Variants in BID observed in about 807,000 individuals in gnomAD.
BID encodes the protein BH3-interacting domain death agonist.
A neutral mutation model predicts 17.4 loss-of-function variants in BID; 19 were observed. The ratio of observed to expected loss-of-function variants is 1.09; its 90% CI spans 0.76 to 1.60. The LOEUF is 1.60. Among genes scored for constraint, BID ranks in the 40% most tolerant of loss-of-function variants. The pLI, the probability that BID is intolerant of heterozygous loss-of-function variation, is 0.00. For missense variants in BID, 226 were observed against 256.0 expected, an observed-to-expected ratio of 0.88 and a Z score of 0.80; for synonymous variants, 108 against 102.8, an observed-to-expected ratio of 1.05 and a Z score of -0.31.
chr22:17,735,725 C>G, intron 5 of BID, 134 bp from the exon 6 acceptor site: 1 of 1,084,768 alleles, frequency 9.2e-7, no homozygotes, highest in South Asian at 1.4e-5. Flanking sequence ...AAGTCCTATC[C>G]GTGCATCCTA....
Position 17,766,731 on chromosome 22 carries a change from A to G in BID, c.-59+7650T>C, listed in dbSNP as rs536528629. Among the ~76,000 whole-genome samples, 11 of 151,984 alleles carry G rather than the reference A, an allele frequency of 7.2e-5. No homozygotes were observed. The East Asian group carries it at 1.6e-3, about 22-fold the overall frequency. ...CAGCCTCCCAAGTAGTTGGGAGTAT[A>G]GGCGTCTGCCACCACGCCCGGCTAA... On this transcript the variant is annotated intron_variant, in intron 1 of 5. Transcript: ENST00000622694.
Position 17,735,336 on chromosome 22 carries a change from T to TCGCC in BID, c.*243_*244insGGCG. 1 of 495,786 alleles carries TCGCC rather than the reference T, an allele frequency of 2.0e-6. No homozygotes were observed. The highest frequency in any genetic ancestry group is 3.6e-6 in the Non-Finnish European group (1 of 279,520). The allele number at this position is 495,786 out of a possible 1,614,324, so 30.7% of individuals were successfully genotyped here. A position where few individuals can be genotyped will look rare whatever the true frequency, so the allele number is the denominator to read the frequency against. ...AGATTTACAGATGTGCAGATTCATG[T>TCGCC]GTGGATGATATGAAGGCCATTCAAA... is the stretch of plus-strand genomic sequence containing the variant. On this transcript the variant is annotated 3_prime_UTR_variant, in exon 6 of 6. Coordinates refer to ENST00000622694, the MANE Select transcript of BID (RefSeq NM_001196.4).
At chr22:17,774,002 C>T in intron 1 of BID, 2 of 475,706 alleles carry the variant, frequency 4.2e-6, no homozygotes, top group Non-Finnish European at 7.6e-6. Flanking sequence ...CCCGGCCAGG[C>T]CCGCGGGTTT....
At chr22:17,772,367 G>T (rs1013005205) in intron 1 of BID, among the ~76,000 whole-genome samples, 4 of 152,348 alleles carry the variant, frequency 2.6e-5, no homozygotes, top group African/African-American at 7.2e-5. Flanking sequence ...TGCTCTCGGG[G>T]ACACTCCAGG....
rs55838099 is a variant in BID at position 17,769,042 on chromosome 22, AAAAT to A, written c.-59+5335_-59+5338del. ...GGGCGACAGAGTGAGACTCGTCTCA[AAAAT>A]AAATAAATAAATAAATAAATAAATA... On this transcript the variant is annotated intron_variant, in intron 1 of 5. Coordinates refer to ENST00000622694, the MANE Select transcript of BID (RefSeq NM_001196.4). The surrounding 1 kb of genome is among the most constrained non-coding windows in gnomAD (Gnocchi z 4.8). Among the ~76,000 whole-genome samples, 31,957 of 148,640 alleles carry A rather than the reference AAAAT, an allele frequency of 0.21. 5,861 individuals carry two copies. The highest frequency in any genetic ancestry group is 0.49 in the African/African-American group (19,521 of 40,212).
intron 2 of BID, among the ~76,000 whole-genome samples, chr22:17,748,294 G>A (rs1213044247): frequency 2.7e-5 from 4 of 149,942 alleles, no homozygotes; most frequent in South Asian, 2.1e-4. Context: ...CGGATCACGA[G>A]GTCAGGAGAT....
intron 1 of BID, among the ~76,000 whole-genome samples, chr22:17,756,448 TTTC>T (rs1191154571): frequency 1.9e-3 from 238 of 122,212 alleles, no homozygotes; most frequent in African/African-American, 8.3e-3. Flanking sequence ...TCTTTCTTTC[TTTC>T]TTTCTTTCTT....
intron 3 of BID, chr22:17,740,432 CTTTT>C (rs34005803): frequency 2.0e-4 from 57 of 292,060 alleles, no homozygotes; most frequent in East Asian, 3.9e-4. Context: ...CTACAAGAAA[CTTTT>C]TTTTTTTTTT....
chr22:17,764,641 G>A (rs148987193), intron 1 of BID, among the ~76,000 whole-genome samples: 2,134 of 152,306 alleles, frequency 0.014, 47 homozygotes, highest in African/African-American at 0.049. Context: ...TGGAAATAAG[G>A]TGGTCACATT....
chr22:17,742,219 T>C (rs533326863), intron 3 of BID, among the ~76,000 whole-genome samples: 2 of 152,320 alleles, frequency 1.3e-5, no homozygotes, highest in Admixed American at 6.5e-5. Context: ...TGATCACTTT[T>C]GCAGGTGCCA....
At chr22:17,760,352 T>C (rs1174606173) in intron 1 of BID, among the ~76,000 whole-genome samples, 1 of 142,426 alleles carries the variant, frequency 7.0e-6, no homozygotes, top group Non-Finnish European at 1.5e-5. Context: ...CTCGAGAGGC[T>C]GAGGCAGAAG....
intron 1 of BID, among the ~76,000 whole-genome samples, chr22:17,758,481 G>C (rs1179233289): frequency 6.6e-6 from 1 of 152,202 alleles, no homozygotes; most frequent in East Asian, 1.9e-4. Flanking sequence ...GAAAAGTAGA[G>C]CCTGGAACAC....
At chr22:17,774,568 C>T (rs1381996193), upstream of BID, 7 of 149,990 alleles carry the variant, frequency 4.7e-5, no homozygotes, top group Non-Finnish European at 8.8e-5. Context: ...CCGGGGAGCC[C>T]GCGCCGGCGC....
At chr22:17,767,645 G>A (rs1443393234) in intron 1 of BID, among the ~76,000 whole-genome samples, 2 of 152,134 alleles carry the variant, frequency 1.3e-5, no homozygotes, top group African/African-American at 4.8e-5. Flanking sequence ...ACAAAGATGA[G>A]CAAAACAATA....
Position 17,773,968 on chromosome 22 carries a change from A to C in BID, c.-59+413T>G. 5.8e-6 allele frequency: 3 copies of C among 514,058 alleles called. No homozygotes were observed. Among genetic ancestry groups the C allele is most frequent in the African/African-American group, 2.0e-5 (1 of 51,002 alleles). The allele number at this position is 514,058 out of a possible 1,614,324, so 31.8% of individuals were successfully genotyped here. On this transcript the variant is annotated intron_variant, in intron 1 of 5. Transcript: ENST00000622694. This position sits in a 1 kb window ranked among gnomAD's most constrained non-coding sequence, Gnocchi z 4.4. ...GACCACGGTGTGGGCGGGGATTCCG[A>C]TCCGCCGGCAAGGGTGGCCTGCACC... is the stretch of plus-strand genomic sequence containing the variant.
chr22:17,752,389 GCCGAAGTC>G (rs2061546253), intron 1 of BID, among the ~76,000 whole-genome samples: 1 of 152,164 alleles, frequency 6.6e-6, no homozygotes, highest in Admixed American at 6.5e-5. Flanking sequence ...AGTGCTCAGG[GCCGAAGTC>G]CCATACCAGT....
chr22:17,774,225 T>G (rs403934), intron 1 of BID, among the ~76,000 whole-genome samples, 156 bp downstream of exon 1: 151,328 of 151,328 alleles, frequency 1, 75,664 homozygotes, highest in Non-Finnish European at 1. Flanking sequence ...TGCTGAGGCC[T>G]GGGGCTCTGA....
chr22:17,759,405 C>T (rs1314300503), intron 1 of BID, among the ~76,000 whole-genome samples: 3 of 151,358 alleles, frequency 2.0e-5, no homozygotes, highest in Non-Finnish European at 4.4e-5. Context: ...ACTAAAAATA[C>T]AAAAATTAGC....
intron 1 of BID, among the ~76,000 whole-genome samples, chr22:17,756,459 CTTTCTTTCTTTCTTTCTTTTCTTTCT>C (rs2061588466): frequency 9.7e-6 from 1 of 102,728 alleles, no homozygotes; most frequent in Non-Finnish European, 2.2e-5. Flanking sequence ...TTCTTTCTTT[CTTTCTTTCTTTCTTTCTTTTCTTTCT>C]TTCTTTCTTT....
Sources: allele counts gnomAD v4.1 joint callset (sites outside exome capture counted in the v4.1 genomes callset), GRCh38; gene constraint gnomAD v4.1.1; non-coding constraint Gnocchi (gnomAD v3.1); transcripts MANE v1.5; gene names NCBI Gene and HGNC (gene_info 2026-07-23, HGNC 2026-07-21).